NCOA1: variants seen among roughly 807,000 people sequenced by gnomAD.
The protein encoded by NCOA1 is nuclear receptor coactivator 1.
A neutral mutation model predicts 150.9 loss-of-function variants in NCOA1; 35 were observed. The ratio of observed to expected loss-of-function variants is 0.23; its 90% CI spans 0.18 to 0.31. The LOEUF (loss-of-function observed/expected upper bound fraction) is 0.31. NCOA1 is among the 10% of genes least tolerant of loss of function. The pLI is 1.00. For synonymous variants in NCOA1, 590 were observed against 630.0 expected, an observed-to-expected ratio of 0.94 and a Z score of 0.95; for missense variants, 1,491 against 1,749.3, an observed-to-expected ratio of 0.85 and a Z score of 2.63.
intron 3 of NCOA1, among the ~76,000 whole-genome samples, chr2:24,627,967 C>G (rs1451943783): frequency 6.6e-6 from 1 of 152,210 alleles, no homozygotes. Context: ...CTTCCTCCCT[C>G]TGTTCTCACC....
chr2:24,592,528 G>C (rs1477556933), intron 3 of NCOA1, among the ~76,000 whole-genome samples: 1 of 149,004 alleles, frequency 6.7e-6, no homozygotes, highest in Non-Finnish European at 1.5e-5. Context: ...AGCTTCATTT[G>C]ATGAAATTTA....
chr2:24,757,210 C>G (rs2148689442), intron 20 of NCOA1, among the ~76,000 whole-genome samples: 1 of 152,246 alleles, frequency 6.6e-6, no homozygotes, highest in South Asian at 2.1e-4. Context: ...ATGTGATTCA[C>G]CAGGGCTTGA....
intron 1 of NCOA1, among the ~76,000 whole-genome samples, chr2:24,504,338 G>T (rs1439069449): frequency 6.6e-6 from 1 of 152,204 alleles, no homozygotes; most frequent in Non-Finnish European, 1.5e-5. Context: ...GGTTACTGTG[G>T]CTTTGGCCCT....
chr2:24,713,917 G>A (rs4665271), intron 14 of NCOA1, among the ~76,000 whole-genome samples: 78,139 of 151,968 alleles, frequency 0.51, 21,390 homozygotes, highest in Admixed American at 0.67. Context: ...CTGAATCAGG[G>A]TTCTTTTCTA....
intron 19 of NCOA1, among the ~76,000 whole-genome samples, chr2:24,743,039 A>G (rs1245419378): frequency 1.3e-5 from 2 of 152,080 alleles, no homozygotes; most frequent in Admixed American, 6.6e-5. Flanking sequence ...GGGTGATAAT[A>G]TCTTTTCTTA....
chr2:24,576,189 T>G (rs867360605), intron 2 of NCOA1, among the ~76,000 whole-genome samples: 4 of 102,052 alleles, frequency 3.9e-5, no homozygotes, highest in Non-Finnish European at 4.2e-5. Context: ...TTTTTTTTTT[T>G]TTGTTTGCTA....
chr2:24,610,249 G>A (rs936561477), intron 3 of NCOA1, among the ~76,000 whole-genome samples: 3 of 148,868 alleles, frequency 2.0e-5, no homozygotes, highest in East Asian at 2.0e-4. Context: ...TCAGCCTCCC[G>A]AATAGCTAGG....
chr2:24,732,022 A>G (rs1663039959), intron 17 of NCOA1, among the ~76,000 whole-genome samples: 1 of 152,250 alleles, frequency 6.6e-6, no homozygotes, highest in South Asian at 2.1e-4. Context: ...TTCTCATTTT[A>G]CAATGTAAAG....
chr2:24,574,142 C>T (rs1341673119), intron 2 of NCOA1, among the ~76,000 whole-genome samples: 5 of 151,520 alleles, frequency 3.3e-5, no homozygotes, highest in Non-Finnish European at 5.9e-5. Flanking sequence ...GATGGAAAAC[C>T]AAAATTAAGT....
In NCOA1 at chr2:24,628,768, A is replaced by T. The variant is rs572067074; in HGVS notation, c.-174-15198A>T. 8.5e-5 allele frequency among the ~76,000 whole-genome samples: 13 copies of T among 152,282 alleles called. No homozygotes were observed. The South Asian group carries it at 2.7e-3, about 32-fold the overall frequency. On this transcript the variant is annotated intron_variant, in intron 3 of 22. Transcript: ENST00000348332. ...TATGAGGGATTATTCACAGCAGATA[A>T]CATATTGTAGGGAAGGCCTTAGAGT... is the stretch of plus-strand genomic sequence containing the variant.
chr2:24,536,228 C>T (rs1220225873), intron 1 of NCOA1, among the ~76,000 whole-genome samples: 1 of 152,006 alleles, frequency 6.6e-6, no homozygotes, highest in African/African-American at 2.4e-5. Flanking sequence ...ATCCTTTTTT[C>T]CACTTGATTG....
At chr2:24,701,557 G>A (rs894674072) in intron 11 of NCOA1, among the ~76,000 whole-genome samples, 1 of 149,162 alleles carries the variant, frequency 6.7e-6, no homozygotes, top group Admixed American at 6.7e-5. Context: ...TATATAATAT[G>A]ATCTCACTTT....
intron 1 of NCOA1, among the ~76,000 whole-genome samples, chr2:24,510,163 C>T (rs1317578985): frequency 6.6e-6 from 1 of 152,214 alleles, no homozygotes; most frequent in Non-Finnish European, 1.5e-5. Context: ...GATTCTCCTG[C>T]CTCAGCCTCC....
intron 14 of NCOA1, among the ~76,000 whole-genome samples, chr2:24,721,866 G>A (rs1461499156): frequency 1.3e-5 from 2 of 152,168 alleles, no homozygotes; most frequent in Non-Finnish European, 2.9e-5. Flanking sequence ...TTCACAATCA[G>A]TTTGTTTCCA....
At chr2:24,676,858 C>A (rs921028853) in intron 7 of NCOA1, among the ~76,000 whole-genome samples, 1 of 152,040 alleles carries the variant, frequency 6.6e-6, no homozygotes, top group African/African-American at 2.4e-5. Flanking sequence ...ACAGAATCGA[C>A]CAAGCTGAGG....
At chr2:24,650,595 CAA>C (rs1670670375) in intron 4 of NCOA1, among the ~76,000 whole-genome samples, 1 of 152,030 alleles carries the variant, frequency 6.6e-6, no homozygotes, top group South Asian at 2.1e-4. Flanking sequence ...AAACCCAACC[CAA>C]AATCCTACAA....
chr2:24,734,814 A>C (rs976628252), intron 17 of NCOA1, among the ~76,000 whole-genome samples: 2 of 152,130 alleles, frequency 1.3e-5, no homozygotes, highest in Non-Finnish European at 2.9e-5. Context: ...TAAAAAAAAA[A>C]ATTAAAACAG....
intron 11 of NCOA1, among the ~76,000 whole-genome samples, chr2:24,698,389 C>T (rs1282470024): frequency 6.6e-6 from 1 of 151,724 alleles, no homozygotes; most frequent in Non-Finnish European, 1.5e-5. Context: ...ACCTGTATCT[C>T]CTGACTCAGG....
Position 24,758,073 on chromosome 2 carries a change from G to T in NCOA1, c.3982G>T (p.Val1328Phe), listed in dbSNP as rs1489190800. The T allele has an allele frequency of 1.2e-6, 2 of 1,614,096 alleles. No individual in the cohort carries two copies. Among genetic ancestry groups the T allele is most frequent in the Non-Finnish European group, 1.7e-6 (2 of 1,180,030 alleles). The change falls in exon 21 of 23, where the codon GTT (valine) becomes TTT (phenylalanine). Residue 1328 changes from valine to phenylalanine, a missense_variant. By Grantham distance (50) the Val-to-Phe change is conservative. Around this residue, in one of 8 missense-constraint regions of NCOA1, gnomAD observed 485 missense variants for 522.8 expected, o/e 0.93. Transcript: ENST00000348332. Reference sequence around the variant, plus strand: ...TTCCATGGCAGGTGGAAATACGAATGTTCAGAACATGAACCCAATGATGGC... The same window carrying T: ...TTCCATGGCAGGTGGAAATACGAATTTTCAGAACATGAACCCAATGATGGC... ...TVSMAGGNTN[V>F]QNMNPMMAQM...
Sources: allele counts gnomAD v4.1 joint callset (sites outside exome capture counted in the v4.1 genomes callset), GRCh38; gene constraint gnomAD v4.1.1; regional missense constraint gnomAD v4.1.1; transcripts MANE v1.5; gene names NCBI Gene and HGNC (gene_info 2026-07-23, HGNC 2026-07-21).